Variants in LEMD3 observed in about 807,000 individuals in gnomAD.
LEMD3 encodes inner nuclear membrane protein Man1.
Under a neutral mutation model 95.2 loss-of-function variants are expected in LEMD3, and 33 were observed. The observed-to-expected ratio is 0.35, with a 90% CI of 0.26 to 0.46. The LOEUF is 0.46. LEMD3 is among the 20% of genes least tolerant of loss of function. The pLI is 1.00. For missense variants in LEMD3, 1,210 were observed against 1,192.8 expected (o/e 1.01, Z -0.21); for synonymous variants, 525 against 474.6 (o/e 1.11, Z -1.38).
chr12:65,237,001 G>A (rs957055240), intron 4 of LEMD3, among the ~76,000 whole-genome samples: 1 of 151,744 alleles, frequency 6.6e-6, no homozygotes, highest in Admixed American at 6.6e-5. Context: ...GAGGACTCTG[G>A]CTTTTGTTTG....
chr12:65,240,356 T>G (rs1364996601), intron 8 of LEMD3, 118 bp downstream of exon 8: 10 of 769,534 alleles, frequency 1.3e-5, no homozygotes, highest in Middle Eastern at 2.5e-4. Flanking sequence ...CTGCACAGGT[T>G]TTTTTTGGTT....
chr12:65,171,258 G>A, intron 1 of LEMD3, 140 bp downstream of exon 1: 1 of 1,440,354 alleles, frequency 6.9e-7, no homozygotes, highest in Non-Finnish European at 9.4e-7. Context: ...GCGTGCATGT[G>A]TCATCTTTCT....
At chr12:65,189,086 G>A (rs537201077) in intron 1 of LEMD3, among the ~76,000 whole-genome samples, 1 of 152,240 alleles carries the variant, frequency 6.6e-6, no homozygotes, top group Admixed American at 6.5e-5. Context: ...ATTAGGCACA[G>A]TTAAGAGATT....
chr12:65,235,054 A>G (rs1870736080), intron 4 of LEMD3, among the ~76,000 whole-genome samples: 1 of 152,182 alleles, frequency 6.6e-6, no homozygotes, highest in Non-Finnish European at 1.5e-5. Flanking sequence ...GCATGTATAT[A>G]AGTACAAGTA....
At position 65,170,840 on chromosome 12, in the gene LEMD3, C is replaced by T. The variant is rs1173850699; in HGVS notation, c.1244C>T (p.Ala415Val). Residue 415 changes from alanine to valine, a missense_variant, in exon 1 of 13, where the codon GCG becomes GTG. Ala to Val is a moderately conservative substitution (Grantham distance 64). Coordinates refer to ENST00000308330, the MANE Select transcript of LEMD3 (RefSeq NM_014319.5). The stretch of plus-strand genomic sequence containing the variant: ...TCTAACAGTCTCCCTCCCAGTGCGG[C>T]GGTGGCCGCCTCTAGTTCACTCAGG... ...IYSNSLPPSA[A>V]VAASSSLRIN... The T allele has an allele frequency of 3.7e-6, 6 of 1,614,112 alleles. No individual in the cohort carries two copies. The Admixed American group carries it at 6.7e-5, about 18-fold the overall frequency.
intron 1 of LEMD3, among the ~76,000 whole-genome samples, chr12:65,184,322 G>C (rs909872969): frequency 6.6e-6 from 1 of 152,064 alleles, no homozygotes; most frequent in African/African-American, 2.4e-5. Context: ...TAAAACAGTT[G>C]TTTGAACTTG....
intron 4 of LEMD3, among the ~76,000 whole-genome samples, chr12:65,221,132 G>A (rs998313992): frequency 1.3e-4 from 19 of 149,868 alleles, no homozygotes; most frequent in African/African-American, 3.7e-4. Context: ...TCCAATTCAC[G>A]AACATGAGAT....
intron 1 of LEMD3, among the ~76,000 whole-genome samples, chr12:65,181,551 C>G (rs1868903734): frequency 6.6e-6 from 1 of 152,098 alleles, no homozygotes; most frequent in Admixed American, 6.6e-5. Context: ...GGGAAACATA[C>G]TTTAAAAATT....
At chr12:65,231,374 A>AT (rs1034101322) in intron 4 of LEMD3, among the ~76,000 whole-genome samples, 3 of 152,050 alleles carry the variant, frequency 2.0e-5, no homozygotes, top group Admixed American at 2.0e-4. Flanking sequence ...AATAATGCTT[A>AT]TTTTTTCAAC....
At chr12:65,182,218 G>A (rs1565780464) in intron 1 of LEMD3, among the ~76,000 whole-genome samples, 1 of 152,056 alleles carries the variant, frequency 6.6e-6, no homozygotes, top group Non-Finnish European at 1.5e-5. Context: ...TTAGCTACAG[G>A]CTTTATTTGG....
At chr12:65,184,905 C>T (rs1313053522) in intron 1 of LEMD3, among the ~76,000 whole-genome samples, 1 of 152,064 alleles carries the variant, frequency 6.6e-6, no homozygotes, top group Non-Finnish European at 1.5e-5. Flanking sequence ...TACTGTTTTC[C>T]TTTTTCACAT....
At chr12:65,176,806 TTAG>T (rs1433265106) in intron 1 of LEMD3, among the ~76,000 whole-genome samples, 2 of 152,222 alleles carry the variant, frequency 1.3e-5, no homozygotes, top group African/African-American at 4.8e-5. Flanking sequence ...TGGAAATCTC[TTAG>T]TAGATGGAAG....
At chr12:65,222,240 A>G (rs1330516154) in intron 4 of LEMD3, among the ~76,000 whole-genome samples, 6 of 152,086 alleles carry the variant, frequency 3.9e-5, no homozygotes, top group Non-Finnish European at 8.8e-5. Context: ...TGTTCTATTA[A>G]TGTGGCATAC....
rs746675293 is a variant in LEMD3, at chr12:65,193,732, C to CTGTGTGTGTGTGTGTGTGTG, written c.1523-17170_1523-17151dup. ...CCTGATGGTCGCCTAACATAACTGG[C>CTGTGTGTGTGTGTGTGTGTG]TGTGTGTGTGTGTGTGTGTGTGTGT... On this transcript the variant is annotated intron_variant, in intron 1 of 12. Transcript: ENST00000308330. Among the ~76,000 whole-genome samples the CTGTGTGTGTGTGTGTGTGTG allele has an allele frequency of 1.5e-3, 200 of 129,416 alleles. 4 individuals are homozygous for CTGTGTGTGTGTGTGTGTGTG. Among genetic ancestry groups the CTGTGTGTGTGTGTGTGTGTG allele is most frequent in the African/African-American group, 3.8e-3 (124 of 32,844 alleles). 84.9% of individuals were successfully genotyped at this position (129,416 alleles called of 152,430 possible).
At chr12:65,173,900 C>T (rs1868632487) in intron 1 of LEMD3, among the ~76,000 whole-genome samples, 2 of 152,084 alleles carry the variant, frequency 1.3e-5, no homozygotes, top group Non-Finnish European at 2.9e-5. Context: ...GTCTGCACAC[C>T]TAACAGTGTT....
chr12:65,224,823 T>G (rs926326663), intron 4 of LEMD3, among the ~76,000 whole-genome samples: 17 of 152,144 alleles, frequency 1.1e-4, no homozygotes, highest in African/African-American at 3.6e-4. Context: ...TTTGTTTTGT[T>G]TTGTTTTGCC....
At chr12:65,224,438 T>C (rs577207814) in intron 4 of LEMD3, among the ~76,000 whole-genome samples, 111 of 152,306 alleles carry the variant, frequency 7.3e-4, no homozygotes, top group African/African-American at 2.5e-3. Context: ...TCTGAAAATA[T>C]TAAATGGAAA....
intron 4 of LEMD3, among the ~76,000 whole-genome samples, chr12:65,230,134 G>T (rs1001300761): frequency 7.2e-5 from 11 of 152,082 alleles, no homozygotes; most frequent in Non-Finnish European, 1.3e-4. Flanking sequence ...TTTATTTCTG[G>T]GGTCTTTATT....
At chr12:65,212,974 G>T (rs1160344242) in intron 2 of LEMD3, among the ~76,000 whole-genome samples, 1 of 152,168 alleles carries the variant, frequency 6.6e-6, no homozygotes, top group East Asian at 1.9e-4. Flanking sequence ...TTGTACTAAA[G>T]ATAACTGAAC....
Sources: allele counts gnomAD v4.1 joint callset (sites outside exome capture counted in the v4.1 genomes callset), GRCh38; gene constraint gnomAD v4.1.1; transcripts MANE v1.5; gene names NCBI Gene and HGNC (gene_info 2026-07-23, HGNC 2026-07-21).